Variants in CLEC7A observed in about 807,000 individuals in gnomAD.
The protein encoded by CLEC7A is C-type lectin domain containing 7A, also known as C-type lectin domain family 7 member A.
A neutral mutation model predicts 26.9 loss-of-function variants in CLEC7A; 25 were observed. That is an observed-to-expected ratio of 0.93 (90% CI 0.68 to 1.30). CLEC7A has a LOEUF of 1.30. Among genes scored for constraint, CLEC7A ranks in the 50% most tolerant of loss-of-function variants. The probability of loss-of-function intolerance (pLI) is 0.00; values close to 1 mark genes in which losing one functional copy is unlikely to be tolerated. For missense variants in CLEC7A, 275 were observed against 286.7 expected (o/e 0.96, Z 0.29); for synonymous variants, 100 against 99.5 (o/e 1.01, Z -0.03).
chr12:10,124,465 T>G (rs139842684), intron 4 of CLEC7A, among the ~76,000 whole-genome samples: 6 of 152,350 alleles, frequency 3.9e-5, no homozygotes, highest in Non-Finnish European at 7.3e-5. Flanking sequence ...AACACGGGGA[T>G]CTCTTTAAAC....
chr12:10,127,499 T>C (rs755762838), intron 2 of CLEC7A: 17 of 1,531,034 alleles, frequency 1.1e-5, no homozygotes, highest in Non-Finnish European at 1.4e-5. Flanking sequence ...TTTAGACAGA[T>C]CACCCAAATT....
At chr12:10,123,085 T>G (rs11053608) in intron 5 of CLEC7A, among the ~76,000 whole-genome samples, 160 bp downstream of exon 5, 63,635 of 151,848 alleles carry the variant, frequency 0.42, 16,258 homozygotes, top group Middle Eastern at 0.71. Context: ...CTTTCTCCTC[T>G]TGTCCTAGTT....
At chr12:10,123,482 C>T in intron 4 of CLEC7A, 119 bp from the exon 5 acceptor site, 1 of 720,072 alleles carries the variant, frequency 1.4e-6, no homozygotes, top group Non-Finnish European at 2.3e-6. Context: ...GAATGCAAGG[C>T]CGGGCGCGGT....
At chr12:10,127,001 T>C (rs183741944) in intron 2 of CLEC7A, 58 of 1,371,902 alleles carry the variant, frequency 4.2e-5, no homozygotes, top group Non-Finnish European at 4.7e-5. Context: ...ATAGAGTCAA[T>C]TGGACCCATG....
At chr12:10,126,994 G>C (rs1323498148) in intron 2 of CLEC7A, 2 of 1,337,400 alleles carry the variant, frequency 1.5e-6, no homozygotes, top group Non-Finnish European at 2.0e-6. Context: ...AAATGTCATA[G>C]AGTCAATTGG....
intron 5 of CLEC7A, among the ~76,000 whole-genome samples, chr12:10,122,087 A>C (rs1423545167): frequency 1.3e-5 from 2 of 152,224 alleles, no homozygotes. Flanking sequence ...TGAAAGAAAT[A>C]ATAAAAAGAC....
chr12:10,125,818 T>G (rs1265103846), intron 3 of CLEC7A, among the ~76,000 whole-genome samples: 1 of 152,204 alleles, frequency 6.6e-6, no homozygotes, highest in Non-Finnish European at 1.5e-5. Context: ...TTGCTACTTA[T>G]TTTATGATGT....
chr12:10,126,531 C>A lies in CLEC7A; in HGVS notation c.340+40G>T, dbSNP rs187661860. Reference sequence around the variant, plus strand: ...CCAGGCTTCAGCACCAAGAATTAACCCTCTTGAGTCAAGATTCCGTCCTTT... The same window carrying A: ...CCAGGCTTCAGCACCAAGAATTAACACTCTTGAGTCAAGATTCCGTCCTTT... On this transcript the variant is annotated intron_variant, in intron 3 of 5. Transcript: ENST00000304084. The A allele has an allele frequency of 7.9e-4, 1,231 of 1,564,034 alleles. 5 individuals carry two copies. The African/African-American group carries it at 0.013, about 16-fold the overall frequency.
intron 1 of CLEC7A, among the ~76,000 whole-genome samples, chr12:10,129,775 G>A (rs533778275): frequency 1.8e-4 from 28 of 152,066 alleles, no homozygotes; most frequent in African/African-American, 6.7e-4. Context: ...GCACCACCAT[G>A]CCCGGCTAAT....
intron 3 of CLEC7A, 35 bp from the exon 4 acceptor site, chr12:10,125,483 G>A: frequency 6.4e-7 from 1 of 1,566,676 alleles, no homozygotes; most frequent in Non-Finnish European, 8.7e-7. Context: ...GAGGTTCATA[G>A]CATACCAATT....
intron 3 of CLEC7A, among the ~76,000 whole-genome samples, chr12:10,125,662 A>G (rs963235239): frequency 3.3e-5 from 5 of 152,208 alleles, no homozygotes; most frequent in Non-Finnish European, 7.3e-5. Context: ...ACTAGCTATA[A>G]ATAGTATTTT....
rs143206350 is a variant in CLEC7A, at chr12:10,128,648, G to A, written c.104-803C>T. Among the ~76,000 whole-genome samples, 448 of 152,174 alleles carry A rather than the reference G, an allele frequency of 2.9e-3. 3 individuals carry two copies. The highest frequency in any genetic ancestry group is 9.9e-3 in the African/African-American group (412 of 41,524). Reference sequence around the variant, plus strand: ...ATAATATCTCAAAGGATTATTGCGGGAATTAAACGAGCTAACACATATAAA... The same window carrying A: ...ATAATATCTCAAAGGATTATTGCGGAAATTAAACGAGCTAACACATATAAA... On this transcript the variant is annotated intron_variant, in intron 1 of 5. Transcript: ENST00000304084.
intron 2 of CLEC7A, chr12:10,127,141 G>A (rs1948317377): frequency 8.9e-7 from 1 of 1,125,936 alleles, no homozygotes; most frequent in African/African-American, 1.6e-5. Context: ...GGAATGTCAT[G>A]AAGACTCTCT....
intron 5 of CLEC7A, among the ~76,000 whole-genome samples, chr12:10,120,033 A>G (rs917624187): frequency 2.6e-5 from 4 of 152,194 alleles, no homozygotes; most frequent in Admixed American, 2.6e-4. Flanking sequence ...TGAAAATGTC[A>G]CCAAACAAAA....
rs28409184 is a variant in CLEC7A at position 10,117,401 on chromosome 12, C to T, written c.*1057G>A. ...CAAAATTAGCCGGGTGTGGTGGTGC[C>T]TGACTGTAATCCCAGCTACTTGGGA... On this transcript the variant is annotated 3_prime_UTR_variant, in exon 6 of 6. Transcript: ENST00000304084. 1.3e-5 allele frequency: 2 copies of T among 151,628 alleles called. No individual in the cohort carries two copies. The highest frequency in any genetic ancestry group is 4.9e-5 in the African/African-American group (2 of 41,118). 9.4% of individuals were successfully genotyped at this position (151,628 alleles called of 1,614,324 possible).
At chr12:10,127,909 A>G in intron 1 of CLEC7A, 64 bp from the exon 2 acceptor site, 1 of 1,134,858 alleles carries the variant, frequency 8.8e-7, no homozygotes, top group African/African-American at 1.6e-5. Context: ...GGGGCAGTTT[A>G]ATTCTACAGT....
intron 2 of CLEC7A, chr12:10,127,098 T>G (rs769893476): frequency 8.7e-5 from 114 of 1,311,500 alleles, no homozygotes; most frequent in Non-Finnish European, 1.1e-4. Context: ...ACCTATAACA[T>G]AGAACGCACT....
At position 10,117,513 on chromosome 12, in the gene CLEC7A, A is replaced by G. The variant is rs2137400427; in HGVS notation, c.*945T>C. ...CCGTTGCACTCCAGCCTGGGCAACA[A>G]GAGCGAAACTCTGTCTCAAAAAAAA... On this transcript the variant is annotated 3_prime_UTR_variant, in exon 6 of 6. Transcript: ENST00000304084. The G allele has an allele frequency of 6.8e-6, 1 of 147,258 alleles. No individual in the cohort carries two copies. The highest frequency in any genetic ancestry group is 2.0e-4 in the East Asian group (1 of 4,976). 9.1% of individuals were successfully genotyped at this position (147,258 alleles called of 1,614,324 possible).
intron 2 of CLEC7A, chr12:10,127,368 T>C (rs377531338): frequency 8.7e-6 from 14 of 1,601,682 alleles, no homozygotes; most frequent in Non-Finnish European, 1.2e-5. Flanking sequence ...GACAGCACCA[T>C]ATTGTACTTT....
Sources: allele counts gnomAD v4.1 joint callset (sites outside exome capture counted in the v4.1 genomes callset), GRCh38; gene constraint gnomAD v4.1.1; transcripts MANE v1.5; gene names NCBI Gene and HGNC (gene_info 2026-07-23, HGNC 2026-07-21).